NOX4: variants seen among roughly 807,000 people sequenced by gnomAD.
The protein encoded by NOX4 is kidney oxidase-1.
In NOX4, 69 loss-of-function variants were observed where a neutral mutation model predicts 87.6. That is an observed-to-expected ratio of 0.79 (90% CI 0.65 to 0.96). NOX4 has a LOEUF of 0.96. Ranked by LOEUF, NOX4 falls within the 40% of genes least tolerant of loss-of-function variation. NOX4 has a pLI of 0.00. For synonymous variants in NOX4, 275 were observed against 238.2 expected (o/e 1.15, Z -1.42); for missense variants, 680 against 681.5 (o/e 1.00, Z 0.02).
At chr11:89,584,540 T>C in the NOX4 span, among the ~76,000 whole-genome samples, 1 of 152,208 alleles carries the variant, frequency 6.6e-6, no homozygotes, top group African/African-American at 2.4e-5. Flanking sequence ...AATATACTGC[T>C]GAGCTTTGAC....
chr11:89,470,658 T>C (rs1275314910), intron 2 of NOX4, among the ~76,000 whole-genome samples: 1 of 152,086 alleles, frequency 6.6e-6, no homozygotes, highest in Admixed American at 6.5e-5. Context: ...CAGCACCCAA[T>C]TAAAGAAAAG....
At chr11:89,399,151 ACTAG>A (rs1241022118) in intron 11 of NOX4, among the ~76,000 whole-genome samples, 14 of 151,618 alleles carry the variant, frequency 9.2e-5, no homozygotes, top group Non-Finnish European at 1.5e-4. Context: ...TGATATGCTG[ACTAG>A]CTAATCATAT....
intron 12 of NOX4, among the ~76,000 whole-genome samples, chr11:89,372,808 T>C (rs1939542482): frequency 6.6e-6 from 1 of 151,992 alleles, no homozygotes; most frequent in African/African-American, 2.4e-5. Context: ...AAGCCAACAT[T>C]TACTGAGTAC....
the NOX4 span, among the ~76,000 whole-genome samples, chr11:89,586,641 CT>C: frequency 6.6e-6 from 1 of 152,124 alleles, no homozygotes; most frequent in African/African-American, 2.4e-5. Flanking sequence ...TACAATCATC[CT>C]TCATAAATAC....
chr11:89,540,553 C>A, the NOX4 span, among the ~76,000 whole-genome samples: 2 of 151,580 alleles, frequency 1.3e-5, no homozygotes, highest in Non-Finnish European at 2.9e-5. Flanking sequence ...TTTGGGAGAC[C>A]GAGATGGGTG....
At chr11:89,419,799 A>G (rs1942992331) in intron 8 of NOX4, among the ~76,000 whole-genome samples, 1 of 152,000 alleles carries the variant, frequency 6.6e-6, no homozygotes, top group African/African-American at 2.4e-5. Flanking sequence ...CCTCCTCTTT[A>G]AAAAGAAGTC....
intron 7 of NOX4, among the ~76,000 whole-genome samples, chr11:89,432,129 C>T (rs1565283772): frequency 1.3e-5 from 2 of 151,990 alleles, no homozygotes; most frequent in African/African-American, 4.8e-5. Flanking sequence ...CATGTTCTCA[C>T]TCATAGGTGA....
intron 8 of NOX4, among the ~76,000 whole-genome samples, chr11:89,415,764 T>A (rs935710074): frequency 6.6e-6 from 1 of 152,096 alleles, no homozygotes; most frequent in African/African-American, 2.4e-5. Context: ...ATAACGAGTA[T>A]GCCAGACTCA....
At chr11:89,573,837 C>A in the NOX4 span, among the ~76,000 whole-genome samples, 1 of 152,100 alleles carries the variant, frequency 6.6e-6, no homozygotes, top group Non-Finnish European at 1.5e-5. Flanking sequence ...TGTGATTCTT[C>A]CCTTAGGGGG....
At chr11:89,424,136 A>C (rs967474452) in intron 7 of NOX4, among the ~76,000 whole-genome samples, 2 of 151,832 alleles carry the variant, frequency 1.3e-5, no homozygotes, top group African/African-American at 2.4e-5. Flanking sequence ...TCTTTATTCA[A>C]ATCTCTACAT....
At chr11:89,530,470 G>A in the NOX4 span, among the ~76,000 whole-genome samples, 740 of 149,326 alleles carry the variant, frequency 5.0e-3, 4 homozygotes, top group African/African-American at 0.017. Context: ...AGCCTCCCGA[G>A]TAGCTGGAAT....
At chr11:89,435,329 C>T (rs755107966) in intron 6 of NOX4, among the ~76,000 whole-genome samples, 1 of 152,016 alleles carries the variant, frequency 6.6e-6, no homozygotes, top group Non-Finnish European at 1.5e-5. Context: ...TCTGCATACA[C>T]TTTCCTATAT....
chr11:89,495,552 C>T (rs1946939025), upstream of NOX4, among the ~76,000 whole-genome samples: 1 of 152,050 alleles, frequency 6.6e-6, no homozygotes, highest in Admixed American at 6.5e-5. Context: ...GTCCCTTTTT[C>T]CTTATAAAGT....
chr11:89,370,589 C>T (rs1207813592), intron 12 of NOX4, among the ~76,000 whole-genome samples: 1 of 152,024 alleles, frequency 6.6e-6, no homozygotes, highest in Non-Finnish European at 1.5e-5. Context: ...AGAATGGCTG[C>T]TTCTAGAAGA....
chr11:89,544,133 A>T, the NOX4 span, among the ~76,000 whole-genome samples: 4 of 152,166 alleles, frequency 2.6e-5, no homozygotes, highest in African/African-American at 9.6e-5. Flanking sequence ...ATGGGCAATG[A>T]TTTGGTCTGA....
At chr11:89,502,268 G>C (rs1487747131), upstream of NOX4, among the ~76,000 whole-genome samples, 1 of 152,010 alleles carries the variant, frequency 6.6e-6, no homozygotes, top group Non-Finnish European at 1.5e-5. Context: ...AGTCTTATCG[G>C]AACACAGAAC....
the NOX4 span, among the ~76,000 whole-genome samples, chr11:89,576,527 T>G: frequency 3.3e-5 from 5 of 152,344 alleles, no homozygotes; most frequent in East Asian, 3.9e-4. Context: ...TAAATCTAGC[T>G]TCTTCTTATA....
intron 6 of NOX4, among the ~76,000 whole-genome samples, chr11:89,434,488 G>C (rs753949304): frequency 1.4e-4 from 22 of 151,832 alleles, no homozygotes; most frequent in Non-Finnish European, 2.1e-4. Context: ...TTACTTCCCA[G>C]TTGTAAGAGA....
In NOX4 at chr11:89,325,083, C is replaced by T. The variant is rs1472419193; in HGVS notation, c.*1673G>A. The T allele has an allele frequency of 7.1e-6, 1 of 139,956 alleles. No homozygotes were observed. The highest frequency in any genetic ancestry group is 2.4e-4 in the South Asian group (1 of 4,184). The allele number at this position is 139,956 out of a possible 1,614,324, so 8.7% of individuals were successfully genotyped here. A position where few individuals can be genotyped will look rare whatever the true frequency, so the allele number is the denominator to read the frequency against. On this transcript the variant is annotated 3_prime_UTR_variant, in exon 18 of 18. Transcript: ENST00000263317. The stretch of plus-strand genomic sequence containing the variant: ...TAGCAATTGATAGCCGACTACTAAA[C>T]AAAATCACTAAACTGTATGAATGCT...
Sources: gnomAD v4.1 joint callset for allele counts (sites outside exome capture counted in the v4.1 genomes callset) on GRCh38, gnomAD v4.1.1 for gene constraint, MANE v1.5 for transcripts, NCBI Gene and HGNC (gene_info 2026-07-23, HGNC 2026-07-21) for gene names.